TBC1D25: variants seen among roughly 807,000 people sequenced by gnomAD.
The protein encoded by TBC1D25 is TBC1 domain family member 25, also known as 5SN3 snoRNA.
TBC1D25 carries 13 observed loss-of-function variants against 38.8 expected under a neutral mutation model. The observed-to-expected ratio is 0.34, with a 90% CI of 0.22 to 0.53. The LOEUF (loss-of-function observed/expected upper bound fraction) is 0.53, where lower values mean the gene tolerates loss of function less well. Among genes scored for constraint, TBC1D25 ranks in the 20% least tolerant of loss-of-function variants. The pLI, the probability that TBC1D25 is intolerant of heterozygous loss-of-function variation, is 0.94. For synonymous variants in TBC1D25, 225 were observed against 255.6 expected (o/e 0.88, Z 1.14); for missense variants, 372 against 600.0 (o/e 0.62, Z 3.97).
At chrX:48,547,662 C>T (rs926982630) in intron 3 of TBC1D25, among the ~76,000 whole-genome samples, 2 of 112,129 alleles carry the variant, frequency 1.8e-5, no homozygotes, top group African/African-American at 6.5e-5. Flanking sequence ...TTAGGCCAGG[C>T]GCCGTGGCTC....
At chrX:48,551,907 A>G (rs1556983369) in intron 3 of TBC1D25, among the ~76,000 whole-genome samples, 1 of 111,298 alleles carries the variant, frequency 9.0e-6, no homozygotes, top group East Asian at 2.8e-4. Flanking sequence ...GACGTGAGCC[A>G]CCGCGCCTGG....
intron 3 of TBC1D25, among the ~76,000 whole-genome samples, chrX:48,552,188 C>CT (rs1244500359): frequency 1.0e-4 from 11 of 107,269 alleles, no homozygotes; most frequent in South Asian, 3.9e-4. Flanking sequence ...ACAGTGAAAT[C>CT]TTTTTTTTTT....
intron 3 of TBC1D25, among the ~76,000 whole-genome samples, chrX:48,546,400 C>T (rs1422416065): frequency 2.8e-5 from 3 of 108,697 alleles, no homozygotes; most frequent in African/African-American, 1.0e-4. Flanking sequence ...GTAGTCCCAG[C>T]TACTCGGGAG....
intron 3 of TBC1D25, among the ~76,000 whole-genome samples, chrX:48,546,545 G>A (rs2061888646): frequency 9.0e-6 from 1 of 111,152 alleles, no homozygotes; most frequent in Admixed American, 9.7e-5. Flanking sequence ...TAAAAAAAGA[G>A]CCCTAATCCC....
At chrX:48,545,123 G>A in intron 3 of TBC1D25, 100 bp downstream of exon 3, 1 of 1,038,864 alleles carries the variant, frequency 9.6e-7, no homozygotes. Flanking sequence ...GGGATGGGTA[G>A]CAAGGTATCC....
chrX:48,550,537 C>T (rs2061922387), intron 3 of TBC1D25, among the ~76,000 whole-genome samples: 4 of 108,008 alleles, frequency 3.7e-5, no homozygotes, highest in South Asian at 8.1e-4. Flanking sequence ...AGTGCAGTGG[C>T]GCAATCTCAA....
Position 48,561,090 on chromosome X carries a change from A to G in TBC1D25, c.*115A>G, listed in dbSNP as rs1556986314. 2.2e-6 allele frequency: 2 copies of G among 896,821 alleles called. No individual in the cohort carries two copies. The highest frequency in any genetic ancestry group is 3.0e-6 in the Non-Finnish European group (2 of 669,404). 73.9% of individuals were successfully genotyped at this position (896,821 alleles called of 1,213,427 possible). A position where few individuals can be genotyped will look rare whatever the true frequency, so the allele number is the denominator to read the frequency against. ...CTGCCAGCCCTAGACTTGTTGGAGC[A>G]TAGAGCCCTTCCTCCCCAGGCCTAA... On this transcript the variant is annotated 3_prime_UTR_variant, in exon 6 of 6. Coordinates refer to ENST00000376771, the MANE Select transcript of TBC1D25 (RefSeq NM_002536.4).
chrX:48,560,545 C>T lies in TBC1D25; in HGVS notation c.1637C>T (p.Ser546Phe), dbSNP rs781789122. ...TCCCTCTCTGAGCCTTTATTGAACT[C>T]CCCAGACCCACTGCTCTCCTCCTTT... is the stretch of plus-strand genomic sequence containing the variant. ...SKSLSEPLLNSPDPLLSSFSH... is the reference protein window; with the variant it reads ...SKSLSEPLLNFPDPLLSSFSH... The change falls in exon 6 of 6, where the codon TCC becomes TTC. Residue 546 changes from serine to phenylalanine, a missense_variant. By Grantham distance (155) the Ser-to-Phe change is radical. Coordinates refer to ENST00000376771, the MANE Select transcript of TBC1D25 (RefSeq NM_002536.4). 4 of 1,207,747 alleles carry T rather than the reference C, an allele frequency of 3.3e-6. No individual in the cohort carries two copies. The African/African-American group carries it at 7.0e-5, about 21-fold the overall frequency.
Position 48,560,211 on chromosome X carries a change from C to T in TBC1D25, c.1303C>T (p.Pro435Ser). Residue 435 changes from proline (P) to serine (S), a missense_variant, in exon 6 of 6, where the codon CCC (proline) becomes TCC (serine). This residue lies in a region of TBC1D25 where 312 missense variants were observed against 549.3 expected (regional missense o/e 0.57). Transcript: ENST00000376771. ...GCTTGAGGTCACTTGGAGTTCGCTGCCCCCTGATCCTCCTGAACATGAGGT... is the reference window on the plus strand; with the variant it reads ...GCTTGAGGTCACTTGGAGTTCGCTGTCCCCTGATCCTCCTGAACATGAGGT... ...RMLEVTWSSL[P>S]PDPPEHEVEL... 3 of 1,210,762 alleles carry T rather than the reference C, an allele frequency of 2.5e-6. No individual in the cohort carries two copies. Among genetic ancestry groups the T allele is most frequent in the Non-Finnish European group, 3.4e-6 (3 of 895,000 alleles).
chrX:48,544,319 CTTT>C (rs35103047), intron 2 of TBC1D25, among the ~76,000 whole-genome samples: 2 of 94,973 alleles, frequency 2.1e-5, no homozygotes, highest in African/African-American at 3.8e-5. Context: ...AGGGGACCAA[CTTT>C]TTTTTTTTTT....
At chrX:48,553,851 C>T (rs781786482) in intron 3 of TBC1D25, among the ~76,000 whole-genome samples, 19 of 107,832 alleles carry the variant, frequency 1.8e-4, no homozygotes, top group East Asian at 3.0e-4. Flanking sequence ...TTTGAACTCT[C>T]GGGCTCAAGC....
chrX:48,541,011 T>C, intron 1 of TBC1D25, among the ~76,000 whole-genome samples: 1 of 112,184 alleles, frequency 8.9e-6, no homozygotes, highest in Non-Finnish European at 1.9e-5. Flanking sequence ...GCTGGGACTC[T>C]AGGGTTGCCA....
At chrX:48,557,792 G>T (rs1262853633) in intron 3 of TBC1D25, among the ~76,000 whole-genome samples, 3 of 96,868 alleles carry the variant, frequency 3.1e-5, no homozygotes, top group African/African-American at 1.2e-4. Context: ...CTGGGCGACA[G>T]AGTGAGACTC....
In TBC1D25 at chrX:48,561,157, G is replaced by A. The variant is rs1260319943; in HGVS notation, c.*182G>A. On this transcript the variant is annotated 3_prime_UTR_variant, in exon 6 of 6. Transcript: ENST00000376771. ...TTTGGCACTGCCCCGCAGAGGCCAC[G>A]CCTATTTATTCTGTTTCTGTTGTTT... 6.5e-6 allele frequency: 3 copies of A among 461,743 alleles called. No individual in the cohort carries two copies. In the African/African-American group the frequency reaches 7.3e-5, roughly 11 times the overall value. 38.1% of individuals were successfully genotyped at this position (461,743 alleles called of 1,213,427 possible).
intron 3 of TBC1D25, among the ~76,000 whole-genome samples, chrX:48,545,341 AT>A (rs2061874813): frequency 8.9e-6 from 1 of 112,711 alleles, no homozygotes; most frequent in Admixed American, 9.4e-5. Flanking sequence ...TTATACTATT[AT>A]AACATATAAC....
rs1602100947 is a variant in TBC1D25, at chrX:48,543,175, G to T, written c.234-1694G>T. ...AGATAAAGAGGGACTACTGTATTTGGAAACATCTAGTCATAGGATAAATTC... is the reference window on the plus strand; with the variant it reads ...AGATAAAGAGGGACTACTGTATTTGTAAACATCTAGTCATAGGATAAATTC... On this transcript the variant is annotated intron_variant, in intron 2 of 5. Transcript: ENST00000376771. Among the ~76,000 whole-genome samples, 3 of 110,944 alleles carry T rather than the reference G, an allele frequency of 2.7e-5. No individual in the cohort carries two copies. The Admixed American group carries it at 2.9e-4, about 11-fold the overall frequency.
intron 3 of TBC1D25, among the ~76,000 whole-genome samples, chrX:48,556,309 C>T (rs184388027): frequency 1.4e-3 from 158 of 111,515 alleles, no homozygotes; most frequent in Middle Eastern, 4.6e-3. Context: ...ATATTGTTAA[C>T]AAGGCACATC....
Position 48,559,796 on chromosome X carries a change from C to G in TBC1D25, c.888C>G (p.Asp296Glu). The G allele has an allele frequency of 8.3e-7, 1 of 1,211,963 alleles. No homozygotes were observed. The highest frequency in any genetic ancestry group is 1.1e-6 in the Non-Finnish European group (1 of 895,542). ...STVLKDVLRT[D>E]RAHPYYAGPE... is the part of the protein sequence containing the mutation. ...TCCTCAAGGATGTACTGCGCACTGA[C>G]CGGGCCCACCCCTACTATGCGGGGC... Residue 296 changes from aspartate to glutamate, a missense_variant, in exon 6 of 6, where the codon GAC becomes GAG. Asp to Glu is a conservative substitution (Grantham distance 45). Transcript: ENST00000376771.
intron 3 of TBC1D25, among the ~76,000 whole-genome samples, chrX:48,551,769 C>T (rs1170100598): frequency 9.1e-6 from 1 of 109,434 alleles, no homozygotes; most frequent in Non-Finnish European, 1.9e-5. Flanking sequence ...GGATTACAGG[C>T]ACCTGCCACC....
Sources: gnomAD v4.1 joint callset for allele counts (sites outside exome capture counted in the v4.1 genomes callset) on GRCh38, gnomAD v4.1.1 for gene constraint, gnomAD v4.1.1 regional missense constraint, MANE v1.5 for transcripts, NCBI Gene and HGNC (gene_info 2026-07-23, HGNC 2026-07-21) for gene names.